Variants in ABLIM1 observed in about 807,000 individuals in gnomAD.
ABLIM1 encodes actin-binding LIM protein 1.
In ABLIM1, 40 loss-of-function variants were observed where a neutral mutation model predicts 107.0. The observed-to-expected ratio is 0.37, with a 90% CI of 0.29 to 0.49. The LOEUF (loss-of-function observed/expected upper bound fraction) is 0.49, where lower values mean the gene tolerates loss of function less well. Ranked by LOEUF, ABLIM1 falls within the 20% of genes least tolerant of loss-of-function variation. The pLI, the probability that ABLIM1 is intolerant of heterozygous loss-of-function variation, is 0.97. For synonymous variants in ABLIM1, 357 were observed against 357.3 expected, an observed-to-expected ratio of 1.00 and a Z score of 0.01; for missense variants, 857 against 1,008.5, an observed-to-expected ratio of 0.85 and a Z score of 2.04.
rs562466357 is a variant in ABLIM1 at position 114,765,030 on chromosome 10, C to T, written c.-213+3031G>A. Reference sequence around the variant, plus strand: ...AGCCCCTGTCTCCATTGTGTGCCCCCTTAAGGGGGGCTGTTTTCTACTTTT... The same window carrying T: ...AGCCCCTGTCTCCATTGTGTGCCCCTTTAAGGGGGGCTGTTTTCTACTTTT... On this transcript the variant is annotated intron_variant, in intron 1 of 15. Coordinates refer to the ABLIM1 transcript ENST00000651092. 3 of 152,636 alleles carry T rather than the reference C, an allele frequency of 2.0e-5. No individual in the cohort carries two copies. In the East Asian group the frequency reaches 5.8e-4, roughly 29 times the overall value. The allele number at this position is 152,636 out of a possible 1,614,324, so 9.5% of individuals were successfully genotyped here.
intron 20 of ABLIM1, among the ~76,000 whole-genome samples, chr10:114,439,465 T>C (rs918931004): frequency 6.6e-6 from 1 of 152,218 alleles, no homozygotes; most frequent in African/African-American, 2.4e-5. Flanking sequence ...AGATCTTGGC[T>C]TGATGGTTAT....
intron 8 of ABLIM1, among the ~76,000 whole-genome samples, chr10:114,484,736 G>A (rs976480691): frequency 2.6e-5 from 4 of 151,972 alleles, no homozygotes; most frequent in African/African-American, 4.8e-5. Context: ...TGCCTTTCCC[G>A]GCTGCACACT....
rs1215619815 is a variant in ABLIM1 at position 114,704,271 on chromosome 10, GCTCT to G, written c.-213+63786_-213+63789del. ...CTCTCTGACACTCTATCTCTCTCTCGCTCTCTCTCTCTCTCTCTCTCTCTCTCTC... is the reference window on the plus strand; with the variant it reads ...CTCTCTGACACTCTATCTCTCTCTCGCTCTCTCTCTCTCTCTCTCTCTCTC... On this transcript the variant is annotated intron_variant, in intron 1 of 15. Coordinates refer to the ABLIM1 transcript ENST00000651092. Among the ~76,000 whole-genome samples, 182 of 40,942 alleles carry G rather than the reference GCTCT, an allele frequency of 4.4e-3. 1 individual carries two copies. Among genetic ancestry groups the G allele is most frequent in the East Asian group, 7.5e-3 (14 of 1,870 alleles). The allele number at this position is 40,942 out of a possible 152,430, so 26.9% of individuals were successfully genotyped here.
chr10:114,454,230 G>A lies in ABLIM1; in HGVS notation c.1442-747C>T, dbSNP rs548003964. ...TACTACTGAGGACAAATAGATGAAT[G>A]AGATATAGTCCCTGCCCTCAAGGGA... On this transcript the variant is annotated intron_variant, in intron 12 of 22. Transcript: ENST00000533213. 7.2e-5 allele frequency among the ~76,000 whole-genome samples: 11 copies of A among 152,216 alleles called. No homozygotes were observed. The East Asian group carries it at 1.9e-3, about 27-fold the overall frequency.
chr10:114,644,994 C>T (rs767773075), intron 1 of ABLIM1, among the ~76,000 whole-genome samples: 6 of 152,132 alleles, frequency 3.9e-5, no homozygotes, highest in Non-Finnish European at 8.8e-5. Context: ...CATCTCTCTA[C>T]CTATTTTGAT....
chr10:114,648,268 G>A (rs1265323717), intron 1 of ABLIM1, among the ~76,000 whole-genome samples: 5 of 152,074 alleles, frequency 3.3e-5, no homozygotes, highest in Non-Finnish European at 7.4e-5. Context: ...CAGAAAGCAG[G>A]AACAACACAA....
At chr10:114,630,368 G>T (rs1444765718) in intron 1 of ABLIM1, among the ~76,000 whole-genome samples, 2 of 152,134 alleles carry the variant, frequency 1.3e-5, no homozygotes, top group African/African-American at 4.8e-5. Flanking sequence ...TCTGTGTTTG[G>T]TACTGAGGGT....
intron 2 of ABLIM1, among the ~76,000 whole-genome samples, chr10:114,599,256 A>G (rs1212835942): frequency 6.6e-6 from 1 of 152,340 alleles, no homozygotes; most frequent in East Asian, 1.9e-4. Flanking sequence ...CAAAAACTCA[A>G]CTTTTCAAGA....
intron 1 of ABLIM1, among the ~76,000 whole-genome samples, chr10:114,606,239 T>C (rs1306505330): frequency 6.6e-6 from 1 of 152,128 alleles, no homozygotes; most frequent in African/African-American, 2.4e-5. Context: ...ATTTTTTATT[T>C]TATTTTTTAT....
At chr10:114,729,861 C>T (rs545289930) in intron 1 of ABLIM1, among the ~76,000 whole-genome samples, 1 of 152,076 alleles carries the variant, frequency 6.6e-6, no homozygotes, top group African/African-American at 2.4e-5. Context: ...CTCTTTAAGC[C>T]ACTTCACTAG....
chr10:114,591,466 G>A (rs1415994615), intron 2 of ABLIM1, among the ~76,000 whole-genome samples: 1 of 152,074 alleles, frequency 6.6e-6, no homozygotes, highest in Non-Finnish European at 1.5e-5. Context: ...AATTAAATTT[G>A]AGCTTTGATA....
At chr10:114,603,313 T>G (rs1442818700) in intron 1 of ABLIM1, among the ~76,000 whole-genome samples, 1 of 152,108 alleles carries the variant, frequency 6.6e-6, no homozygotes, top group African/African-American at 2.4e-5. Flanking sequence ...AACAAGATAG[T>G]CCAAATAATC....
At chr10:114,660,735 A>G (rs1387492777), upstream of ABLIM1, among the ~76,000 whole-genome samples, 2 of 152,218 alleles carry the variant, frequency 1.3e-5, no homozygotes, top group Non-Finnish European at 2.9e-5. Context: ...ATGTGCTTAC[A>G]TGGTCTTTTT....
At chr10:114,490,233 G>A (rs1409398470) in intron 7 of ABLIM1, among the ~76,000 whole-genome samples, 4 of 152,188 alleles carry the variant, frequency 2.6e-5, no homozygotes, top group African/African-American at 9.7e-5. Context: ...CCACAGATGC[G>A]GGTGCTTGTC....
Position 114,601,892 on chromosome 10 carries a change from G to A in ABLIM1, c.314C>T (p.Pro105Leu). Residue 105 changes from proline to leucine, a missense_variant, in exon 2 of 23, where the codon CCT becomes CTT. Physicochemically the swap from Pro to Leu is moderately conservative, Grantham distance 98. This residue lies in a region of ABLIM1 where 176 missense variants were observed against 173.5 expected (regional missense o/e 1.01). Coordinates refer to ENST00000533213, the MANE Select transcript of ABLIM1 (RefSeq NM_002313.7). The stretch of plus-strand genomic sequence containing the variant: ...GACCCGAAGCACTTCACCCTTGCAA[G>A]GCTCCCCACATTTATGGCAGTGAAT... ...PVIHCHKCGE[P>L]CKGEVLRVQT... The A allele has an allele frequency of 6.2e-7, 1 of 1,614,166 alleles. No individual in the cohort carries two copies. Among genetic ancestry groups the A allele is most frequent in the South Asian group, 1.1e-5 (1 of 91,076 alleles).
chr10:114,760,177 T>C (rs1202905281), intron 1 of ABLIM1, among the ~76,000 whole-genome samples: 2 of 152,104 alleles, frequency 1.3e-5, no homozygotes, highest in Non-Finnish European at 2.9e-5. Flanking sequence ...TACTAGCTGA[T>C]TGAATCTCGG....
At chr10:114,658,905 G>C (rs912811622), upstream of ABLIM1, among the ~76,000 whole-genome samples, 1 of 152,162 alleles carries the variant, frequency 6.6e-6, no homozygotes, top group Non-Finnish European at 1.5e-5. Context: ...CATGTAGGTA[G>C]CTTCAGCTTT....
intron 12 of ABLIM1, among the ~76,000 whole-genome samples, chr10:114,460,547 G>A (rs1215190596): frequency 6.6e-6 from 1 of 152,208 alleles, no homozygotes; most frequent in Non-Finnish European, 1.5e-5. Flanking sequence ...GCTGCAGTGA[G>A]CTGAGATTGT....
chr10:114,564,009 T>TA (rs1305282460), intron 4 of ABLIM1, among the ~76,000 whole-genome samples: 1 of 149,064 alleles, frequency 6.7e-6, no homozygotes, highest in Non-Finnish European at 1.5e-5. Flanking sequence ...TTATCAGTAA[T>TA]ACAATCAATG....
Sources: gnomAD v4.1 joint callset for allele counts (sites outside exome capture counted in the v4.1 genomes callset) on GRCh38, gnomAD v4.1.1 for gene constraint, gnomAD v4.1.1 regional missense constraint, MANE v1.5 for transcripts, NCBI Gene and HGNC (gene_info 2026-07-23, HGNC 2026-07-21) for gene names.